CAMK2G: variants seen among roughly 807,000 people sequenced by gnomAD.
CAMK2G encodes the protein calcium/calmodulin-dependent protein kinase type II subunit gamma.
Under a neutral mutation model 88.7 loss-of-function variants are expected in CAMK2G, and 23 were observed. That is an observed-to-expected ratio of 0.26 (90% CI 0.19 to 0.37). CAMK2G has a LOEUF of 0.37. Among genes scored for constraint, CAMK2G ranks in the 10% least tolerant of loss-of-function variants. The pLI is 1.00. For synonymous variants in CAMK2G, 263 were observed against 294.8 expected, an observed-to-expected ratio of 0.89 and a Z score of 1.11; for missense variants, 476 against 780.8, an observed-to-expected ratio of 0.61 and a Z score of 4.65.
At chr10:73,820,493 T>TAA (rs1491202927) in intron 18 of CAMK2G, among the ~76,000 whole-genome samples, 1 of 31,268 alleles carries the variant, frequency 3.2e-5, no homozygotes, top group South Asian at 1.4e-3. Flanking sequence ...TATATATATA[T>TAA]TTTTTTTTTT....
chr10:73,869,609 G>C (rs998628945), intron 2 of CAMK2G, among the ~76,000 whole-genome samples: 16 of 152,214 alleles, frequency 1.1e-4, no homozygotes, highest in Non-Finnish European at 2.1e-4. Context: ...CATTTAATGT[G>C]TATGTGGCTG....
chr10:73,858,934 C>T (rs2069802663), intron 3 of CAMK2G, among the ~76,000 whole-genome samples: 1 of 152,248 alleles, frequency 6.6e-6, no homozygotes, highest in African/African-American at 2.4e-5. Context: ...CCATGGTCAA[C>T]CCGCCCGCAT....
At position 73,856,566 on chromosome 10, in the gene CAMK2G, G is replaced by A. The variant is rs142690469; in HGVS notation, c.221-3320C>T. ...TTTAAACCAGCAATTACACAAATGC[G>A]TTAACTAAGCACAACTGTGTCATGC... On this transcript the variant is annotated intron_variant, in intron 3 of 22. Coordinates refer to ENST00000423381, the MANE Select transcript of CAMK2G (RefSeq NM_001367534.1). Among the ~76,000 whole-genome samples, 506 of 152,328 alleles carry A rather than the reference G, an allele frequency of 3.3e-3. 4 individuals are homozygous for A. Among genetic ancestry groups the A allele is most frequent in the African/African-American group, 0.012 (484 of 41,574 alleles).
At chr10:73,865,802 G>A (rs2095564617) in intron 2 of CAMK2G, among the ~76,000 whole-genome samples, 3 of 152,112 alleles carry the variant, frequency 2.0e-5, no homozygotes, top group African/African-American at 7.2e-5. Flanking sequence ...ACTAGGGAGA[G>A]GCTCAGACCT....
intron 5 of CAMK2G, among the ~76,000 whole-genome samples, chr10:73,850,323 A>C (rs1258843516): frequency 6.6e-6 from 1 of 152,202 alleles, no homozygotes; most frequent in Non-Finnish European, 1.5e-5. Context: ...CAGACTGTCC[A>C]CATAGCAAAC....
At chr10:73,865,374 G>A (rs1317713906) in intron 2 of CAMK2G, among the ~76,000 whole-genome samples, 4 of 152,292 alleles carry the variant, frequency 2.6e-5, no homozygotes, top group South Asian at 4.1e-4. Flanking sequence ...CCTCGCAGCC[G>A]TGGCACCCTG....
intron 3 of CAMK2G, 104 bp downstream of exon 3, chr10:73,860,726 T>A (rs2095336047): frequency 2.4e-6 from 2 of 834,176 alleles, no homozygotes; most frequent in Admixed American, 2.0e-5. Flanking sequence ...AGACACCAGG[T>A]GAAGGTCCAC....
At chr10:73,814,827 C>T in intron 22 of CAMK2G, 176 bp downstream of exon 22, 1 of 596,692 alleles carries the variant, frequency 1.7e-6, no homozygotes, top group Non-Finnish European at 3.0e-6. Flanking sequence ...CGGAGCCAGA[C>T]CCTAGTCTGT....
At chr10:73,849,427 G>A in intron 5 of CAMK2G, 94 bp from the exon 6 acceptor site, 7 of 815,786 alleles carry the variant, frequency 8.6e-6, no homozygotes, top group East Asian at 2.6e-5. Flanking sequence ...CATGTGACAA[G>A]GGGCCACGGA....
intron 15 of CAMK2G, 119 bp downstream of exon 15, chr10:73,827,970 C>A: frequency 1.2e-6 from 1 of 868,874 alleles, no homozygotes; most frequent in Non-Finnish European, 2.0e-6. Flanking sequence ...CCTGCCCACA[C>A]AGCACAGACA....
At chr10:73,828,237 G>T (rs144679543) in intron 14 of CAMK2G, 116 bp from the exon 15 acceptor site, 1 of 837,962 alleles carries the variant, frequency 1.2e-6, no homozygotes, top group African/African-American at 1.7e-5. Flanking sequence ...AGAAAAGAGC[G>T]GAGGGAGACC....
chr10:73,856,064 C>T (rs1193596721), intron 3 of CAMK2G, among the ~76,000 whole-genome samples: 1 of 152,134 alleles, frequency 6.6e-6, no homozygotes, highest in Non-Finnish European at 1.5e-5. Context: ...TGAGCCACCG[C>T]ACCCCATCAG....
chr10:73,820,082 T>C (rs1298432365), intron 18 of CAMK2G, among the ~76,000 whole-genome samples: 1 of 152,016 alleles, frequency 6.6e-6, no homozygotes, highest in Non-Finnish European at 1.5e-5. Flanking sequence ...TTTCTGCTAT[T>C]TTTTTTGGTT....
intron 15 of CAMK2G, among the ~76,000 whole-genome samples, chr10:73,827,831 C>T (rs1266682194): frequency 1.3e-5 from 2 of 152,220 alleles, no homozygotes; most frequent in Admixed American, 6.5e-5. Flanking sequence ...AGCTTCACAT[C>T]CTACCCTGGG....
intron 9 of CAMK2G, 59 bp from the exon 10 acceptor site, chr10:73,847,406 C>G (rs1455351527): frequency 3.2e-6 from 5 of 1,578,422 alleles, no homozygotes; most frequent in Non-Finnish European, 4.3e-6. Context: ...CCCTGCAACA[C>G]TGGTTCTGTC....
intron 18 of CAMK2G, among the ~76,000 whole-genome samples, chr10:73,820,730 T>TG (rs1298555478): frequency 3.6e-5 from 5 of 138,224 alleles, no homozygotes; most frequent in African/African-American, 1.4e-4. Flanking sequence ...TGGAGTGCAA[T>TG]GGGGTGATCT....
chr10:73,859,692 G>A (rs544279107), intron 3 of CAMK2G, among the ~76,000 whole-genome samples: 142 of 152,324 alleles, frequency 9.3e-4, no homozygotes, highest in African/African-American at 3.3e-3. Context: ...AATCTGCTTC[G>A]GGTGTAATCC....
At chr10:73,837,352 A>G in intron 14 of CAMK2G, 116 bp downstream of exon 14, 1 of 855,124 alleles carries the variant, frequency 1.2e-6, no homozygotes, top group Non-Finnish European at 2.0e-6. Flanking sequence ...TCTGGTTTAA[A>G]GCAGACTAGC....
chr10:73,864,082 C>T (rs896455480), intron 2 of CAMK2G, among the ~76,000 whole-genome samples: 2 of 152,188 alleles, frequency 1.3e-5, no homozygotes, highest in African/African-American at 2.4e-5. Flanking sequence ...CGGTGGGTCA[C>T]GCCTGTAATC....
Sources: gnomAD v4.1 joint callset for allele counts (sites outside exome capture counted in the v4.1 genomes callset) on GRCh38, gnomAD v4.1.1 for gene constraint, MANE v1.5 for transcripts, NCBI Gene and HGNC (gene_info 2026-07-23, HGNC 2026-07-21) for gene names.